Variants in GRM7 observed in about 807,000 individuals in gnomAD.
GRM7 encodes the protein glutamate metabotropic receptor 7.
Under a neutral mutation model 84.5 loss-of-function variants are expected in GRM7, and 35 were observed. The observed-to-expected ratio is 0.41, with a 90% CI of 0.32 to 0.55. The LOEUF is 0.55. Ranked by LOEUF, GRM7 falls within the 20% of genes least tolerant of loss-of-function variation. The pLI, the probability that GRM7 is intolerant of heterozygous loss-of-function variation, is 0.19. For synonymous variants in GRM7, 487 were observed against 455.1 expected (o/e 1.07, Z -0.89); for missense variants, 1,003 against 1,194.6 (o/e 0.84, Z 2.36).
At chr3:7,390,805 T>A (rs968726115) in intron 4 of GRM7, among the ~76,000 whole-genome samples, 2 of 150,612 alleles carry the variant, frequency 1.3e-5, no homozygotes, top group Admixed American at 6.6e-5. Flanking sequence ...TCTGGTTGAG[T>A]TTTTTTTTGC....
Position 7,680,536 on chromosome 3 carries a change from C to A in GRM7, c.2698+241C>A, listed in dbSNP as rs1041305410. 3.4e-5 allele frequency: 17 copies of A among 503,118 alleles called. No homozygotes were observed. The East Asian group carries it at 6.1e-4, about 18-fold the overall frequency. 31.2% of individuals were successfully genotyped at this position (503,118 alleles called of 1,614,324 possible). A position where few individuals can be genotyped will look rare whatever the true frequency, so the allele number is the denominator to read the frequency against. ...TGCTTCAGAAGTGTGAAGCCTCCCCCTTCCCTTGCTTCTTGTCCTCTGGTA... is the reference window on the plus strand; with the variant it reads ...TGCTTCAGAAGTGTGAAGCCTCCCCATTCCCTTGCTTCTTGTCCTCTGGTA... On this transcript the variant is annotated intron_variant, in intron 9 of 9. Transcript: ENST00000357716.
chr3:7,173,204 T>C (rs762495866), intron 2 of GRM7, among the ~76,000 whole-genome samples: 25 of 152,188 alleles, frequency 1.6e-4, no homozygotes, highest in Middle Eastern at 3.2e-3. Flanking sequence ...AAGGCATGAC[T>C]AAACTCCTTA....
At chr3:7,591,589 C>A (rs144483532) in intron 8 of GRM7, 3 of 366,118 alleles carry the variant, frequency 8.2e-6, no homozygotes, top group Non-Finnish European at 1.6e-5. Context: ...AGAATGTTCA[C>A]GAGAATGTAA....
At chr3:7,303,173 C>G (rs1472734075) in intron 3 of GRM7, among the ~76,000 whole-genome samples, 1 of 152,096 alleles carries the variant, frequency 6.6e-6, no homozygotes. Flanking sequence ...ATCTCCTGAC[C>G]TTGTGATCCA....
intron 8 of GRM7, among the ~76,000 whole-genome samples, chr3:7,621,242 C>A (rs1024232940): frequency 6.6e-6 from 1 of 152,078 alleles, no homozygotes; most frequent in African/African-American, 2.4e-5. Context: ...GACCAAATCT[C>A]AATTTAGCAA....
At chr3:6,947,467 G>A (rs1416191753) in intron 1 of GRM7, among the ~76,000 whole-genome samples, 1 of 152,140 alleles carries the variant, frequency 6.6e-6, no homozygotes, top group Non-Finnish European at 1.5e-5. Flanking sequence ...GTATTTTATT[G>A]AGGATTTTTG....
chr3:7,529,617 G>C (rs1475978863), intron 7 of GRM7, among the ~76,000 whole-genome samples: 1 of 152,004 alleles, frequency 6.6e-6, no homozygotes, highest in African/African-American at 2.4e-5. Context: ...CTCATAACTT[G>C]GTTCCTAGCC....
chr3:6,971,858 A>G (rs1693770099), intron 1 of GRM7, among the ~76,000 whole-genome samples: 2 of 152,214 alleles, frequency 1.3e-5, no homozygotes, highest in Non-Finnish European at 2.9e-5. Flanking sequence ...AGAGCTCATC[A>G]TGGTTGTTTT....
chr3:7,573,641 A>T (rs1163189438), intron 7 of GRM7, among the ~76,000 whole-genome samples: 1 of 152,214 alleles, frequency 6.6e-6, no homozygotes, highest in Non-Finnish European at 1.5e-5. Flanking sequence ...TACTAGAGCC[A>T]GACACCATTT....
intron 4 of GRM7, among the ~76,000 whole-genome samples, chr3:7,371,396 G>T (rs916116493): frequency 6.6e-6 from 1 of 152,006 alleles, no homozygotes; most frequent in Non-Finnish European, 1.5e-5. Flanking sequence ...GAGAGACTTA[G>T]GCATAATTAA....
chr3:7,625,287 A>G (rs1338658321), intron 8 of GRM7, among the ~76,000 whole-genome samples: 1 of 152,168 alleles, frequency 6.6e-6, no homozygotes, highest in Non-Finnish European at 1.5e-5. Context: ...GTAACAAACA[A>G]GATTCGCTTG....
At chr3:7,684,995 T>C (rs1700520997) in intron 9 of GRM7, among the ~76,000 whole-genome samples, 1 of 152,230 alleles carries the variant, frequency 6.6e-6, no homozygotes, top group Non-Finnish European at 1.5e-5. Context: ...CCTCAAACTG[T>C]TTCTCCCACC....
At chr3:6,891,746 G>A (rs557975655) in intron 1 of GRM7, among the ~76,000 whole-genome samples, 34 of 152,182 alleles carry the variant, frequency 2.2e-4, no homozygotes, top group African/African-American at 2.9e-4. Flanking sequence ...TCTTTGTGGC[G>A]TTCTCTGTAT....
chr3:6,960,415 C>T (rs927676528), intron 1 of GRM7, among the ~76,000 whole-genome samples: 1 of 152,140 alleles, frequency 6.6e-6, no homozygotes, highest in Non-Finnish European at 1.5e-5. Flanking sequence ...AAATCAACAT[C>T]TCTCCACACT....
intron 1 of GRM7, among the ~76,000 whole-genome samples, chr3:6,946,876 A>T (rs62235420): frequency 0.23 from 34,898 of 152,042 alleles, 4,147 homozygotes; most frequent in Non-Finnish European, 0.25. Flanking sequence ...TGTATAAGAA[A>T]GCTTGTGATT....
rs1696148283 is a variant in GRM7 at position 7,416,135 on chromosome 3, A to G, written c.1174+972A>G. ...GTGAAAAACAGAAAAAACATGACTG[A>G]AGTACACAGAACAGAGAGAATGTGT... On this transcript the variant is annotated intron_variant, in intron 5 of 9. Coordinates refer to ENST00000357716, the MANE Select transcript of GRM7 (RefSeq NM_000844.4). Among the ~76,000 whole-genome samples the G allele has an allele frequency of 2.0e-5, 3 of 152,106 alleles. No homozygotes were observed. The South Asian group carries it at 6.2e-4, about 31-fold the overall frequency.
At chr3:7,595,535 G>C (rs536502264) in intron 8 of GRM7, among the ~76,000 whole-genome samples, 1 of 152,258 alleles carries the variant, frequency 6.6e-6, no homozygotes, top group African/African-American at 2.4e-5. Context: ...GAGAGTGAGA[G>C]AGTGGTTAAA....
chr3:7,072,589 G>T (rs1436361440), intron 1 of GRM7, among the ~76,000 whole-genome samples: 4 of 151,972 alleles, frequency 2.6e-5, no homozygotes, highest in Non-Finnish European at 5.9e-5. Context: ...CAGAGGCTGA[G>T]GTGAGAGGAT....
chr3:7,338,073 C>A (rs1238122984), intron 4 of GRM7, among the ~76,000 whole-genome samples: 1 of 150,434 alleles, frequency 6.6e-6, no homozygotes, highest in East Asian at 1.9e-4. Context: ...CCCCTTAAAG[C>A]ATACATTTAT....
Sources: allele counts gnomAD v4.1 joint callset (sites outside exome capture counted in the v4.1 genomes callset), GRCh38; gene constraint gnomAD v4.1.1; transcripts MANE v1.5; gene names NCBI Gene and HGNC (gene_info 2026-07-23, HGNC 2026-07-21).